MAN1C1: variants seen among roughly 807,000 people sequenced by gnomAD.
The protein encoded by MAN1C1 is mannosyl-oligosaccharide 1,2-alpha-mannosidase IC.
Under a neutral mutation model 71.5 loss-of-function variants are expected in MAN1C1, and 49 were observed. That is an observed-to-expected ratio of 0.69 (90% CI 0.54 to 0.87). The LOEUF is 0.87. Ranked by LOEUF, MAN1C1 falls within the 40% of genes least tolerant of loss-of-function variation. The pLI, the probability that MAN1C1 is intolerant of heterozygous loss-of-function variation, is 0.00. For missense variants in MAN1C1, 743 were observed against 835.0 expected, an observed-to-expected ratio of 0.89 and a Z score of 1.36; for synonymous variants, 352 against 343.7, an observed-to-expected ratio of 1.02 and a Z score of -0.27.
chr1:25,630,425 T>G (rs1289385350), intron 1 of MAN1C1, among the ~76,000 whole-genome samples: 1 of 152,242 alleles, frequency 6.6e-6, no homozygotes, highest in East Asian at 1.9e-4. Context: ...TTATTTTTTC[T>G]AATTCTGTGA....
intron 1 of MAN1C1, among the ~76,000 whole-genome samples, chr1:25,677,302 G>C (rs1194110866): frequency 7.2e-5 from 11 of 152,088 alleles, no homozygotes. Flanking sequence ...TGAGTGAAGG[G>C]AAGGCTTTGT....
At chr1:25,710,873 G>T (rs1311252242) in intron 2 of MAN1C1, among the ~76,000 whole-genome samples, 2 of 152,176 alleles carry the variant, frequency 1.3e-5, no homozygotes, top group African/African-American at 2.4e-5. Flanking sequence ...TTCTTACTTG[G>T]ACTCTTGCGT....
chr1:25,679,056 A>G (rs187697604), intron 1 of MAN1C1, among the ~76,000 whole-genome samples: 2 of 152,280 alleles, frequency 1.3e-5, no homozygotes, highest in African/African-American at 2.4e-5. Context: ...GACAAGAGAG[A>G]GAGAGGTGAA....
chr1:25,698,400 T>C (rs2046393954), intron 2 of MAN1C1, among the ~76,000 whole-genome samples: 1 of 152,204 alleles, frequency 6.6e-6, no homozygotes, highest in South Asian at 2.1e-4. Context: ...GATAATGCCC[T>C]CTTACAGGAT....
intron 5 of MAN1C1, among the ~76,000 whole-genome samples, chr1:25,758,037 A>G (rs1461239829): frequency 6.6e-6 from 1 of 152,240 alleles, no homozygotes; most frequent in Non-Finnish European, 1.5e-5. Context: ...TGTAGGTTCC[A>G]TGAAATTCCA....
chr1:25,692,908 C>T (rs1387629804), intron 2 of MAN1C1, among the ~76,000 whole-genome samples: 1 of 152,152 alleles, frequency 6.6e-6, no homozygotes, highest in Non-Finnish European at 1.5e-5. Context: ...TCAGATTTCC[C>T]TCTTTTCTTC....
chr1:25,646,382 G>A (rs1043957488), intron 1 of MAN1C1: 3 of 152,302 alleles, frequency 2.0e-5, no homozygotes, highest in Non-Finnish European at 4.4e-5. Flanking sequence ...GGTGCGGGGA[G>A]CACTGAGGAA....
At chr1:25,640,215 A>G (rs1182542620) in intron 1 of MAN1C1, among the ~76,000 whole-genome samples, 1 of 152,196 alleles carries the variant, frequency 6.6e-6, no homozygotes, top group Non-Finnish European at 1.5e-5. Flanking sequence ...ATCATATTTT[A>G]TTGCAAAGGC....
Position 25,782,755 on chromosome 1 carries a change from G to A in MAN1C1, c.1766+55G>A. ...GACAGGTGGGAGGTTGAGGGTAGGG[G>A]TCCGCAGTCCCTCCCCTCCACAGTC... is the stretch of plus-strand genomic sequence containing the variant. On this transcript the variant is annotated intron_variant, in intron 11 of 11. Transcript: ENST00000374332. The surrounding 1 kb of genome is among the most constrained non-coding windows in gnomAD (Gnocchi z 4.4). 2 of 1,278,846 alleles carry A rather than the reference G, an allele frequency of 1.6e-6. No homozygotes were observed. Among genetic ancestry groups the A allele is most frequent in the Non-Finnish European group, 2.3e-6 (2 of 877,818 alleles). The allele number at this position is 1,278,846 out of a possible 1,614,324, so 79.2% of individuals were successfully genotyped here. A position where few individuals can be genotyped will look rare whatever the true frequency, so the allele number is the denominator to read the frequency against.
chr1:25,764,407 AT>A lies in MAN1C1; in HGVS notation c.1141+449del, dbSNP rs1003739901. Among the ~76,000 whole-genome samples the A allele has an allele frequency of 1.3e-4, 19 of 149,506 alleles. No individual in the cohort carries two copies. Among genetic ancestry groups the A allele is most frequent in the Non-Finnish European group, 6.0e-5 (4 of 67,202 alleles). On this transcript the variant is annotated intron_variant, in intron 7 of 11. Coordinates refer to ENST00000374332, the MANE Select transcript of MAN1C1 (RefSeq NM_020379.4). The surrounding 1 kb of genome is among the most constrained non-coding windows in gnomAD (Gnocchi z 4.4). ...ATCAGGCTCCCCACTTCCAACTTCAATTTTTTTTTGTTTTTTTGTTTTTGAG... is the reference window on the plus strand; with the variant it reads ...ATCAGGCTCCCCACTTCCAACTTCAATTTTTTTTGTTTTTTTGTTTTTGAG...
At chr1:25,637,099 G>A (rs2045472940) in intron 1 of MAN1C1, among the ~76,000 whole-genome samples, 2 of 152,028 alleles carry the variant, frequency 1.3e-5, no homozygotes, top group Non-Finnish European at 2.9e-5. Context: ...AGGTTGCAGT[G>A]AGCTGAGATC....
intron 2 of MAN1C1, among the ~76,000 whole-genome samples, chr1:25,739,851 G>A (rs1215143858): frequency 2.0e-5 from 3 of 152,160 alleles, no homozygotes; most frequent in Admixed American, 2.0e-4. Flanking sequence ...CATGCTGTGG[G>A]CTCGTTTTGT....
In MAN1C1 at chr1:25,764,028, G is replaced by C. The variant is rs2047396284; in HGVS notation, c.1141+61G>C. 7.2e-7 allele frequency: 1 copy of C among 1,386,748 alleles called. No individual in the cohort carries two copies. The highest frequency in any genetic ancestry group is 1.0e-6 in the Non-Finnish European group (1 of 975,426). The allele number at this position is 1,386,748 out of a possible 1,614,324, so 85.9% of individuals were successfully genotyped here. On this transcript the variant is annotated intron_variant, in intron 7 of 11. Coordinates refer to ENST00000374332, the MANE Select transcript of MAN1C1 (RefSeq NM_020379.4). This position sits in a 1 kb window ranked among gnomAD's most constrained non-coding sequence, Gnocchi z 4.4. ...GGTTCCTGCCCAGGCTTCCTAGGAAGACCCTGCCAGGCCCCTGGGCTGAGT... is the reference window on the plus strand; with the variant it reads ...GGTTCCTGCCCAGGCTTCCTAGGAACACCCTGCCAGGCCCCTGGGCTGAGT...
At chr1:25,693,047 C>T (rs1354156647) in intron 2 of MAN1C1, among the ~76,000 whole-genome samples, 1 of 152,074 alleles carries the variant, frequency 6.6e-6, no homozygotes, top group African/African-American at 2.4e-5. Flanking sequence ...TTTTGACTTC[C>T]CAGAAACTTA....
chr1:25,675,510 G>A (rs993684959), intron 1 of MAN1C1, among the ~76,000 whole-genome samples: 10 of 141,936 alleles, frequency 7.0e-5, no homozygotes, highest in Admixed American at 2.2e-4. Context: ...GGTTGGTTTC[G>A]TATCTTTGCA....
chr1:25,704,187 AG>A (rs1175184518), intron 2 of MAN1C1, among the ~76,000 whole-genome samples: 1 of 152,166 alleles, frequency 6.6e-6, no homozygotes, highest in African/African-American at 2.4e-5. Context: ...CTAGCCACCC[AG>A]CCCCTTTATT....
At chr1:25,684,110 T>C (rs1289774446) in intron 1 of MAN1C1, among the ~76,000 whole-genome samples, 1 of 151,998 alleles carries the variant, frequency 6.6e-6, no homozygotes, top group East Asian at 1.9e-4. Context: ...CAGGGTAGGG[T>C]GTGGCCCCCC....
intron 7 of MAN1C1, among the ~76,000 whole-genome samples, chr1:25,767,834 C>T (rs1016174801): frequency 1.5e-5 from 2 of 129,180 alleles, no homozygotes; most frequent in Non-Finnish European, 1.6e-5. Context: ...CCCTCACACA[C>T]ACTACACACA....
chr1:25,714,613 G>A (rs370221279), intron 2 of MAN1C1, among the ~76,000 whole-genome samples: 1 of 152,162 alleles, frequency 6.6e-6, no homozygotes, highest in Admixed American at 6.5e-5. Flanking sequence ...AAATTATACC[G>A]ATCCAAAAGA....
Sources: gnomAD v4.1 joint callset for allele counts (sites outside exome capture counted in the v4.1 genomes callset) on GRCh38, gnomAD v4.1.1 for gene constraint, Gnocchi (gnomAD v3.1) non-coding constraint, MANE v1.5 for transcripts, NCBI Gene and HGNC (gene_info 2026-07-23, HGNC 2026-07-21) for gene names.